The following LIX1 variants were observed in gnomAD, a reference collection of about 807,000 sequenced individuals.
The protein encoded by LIX1 is protein limb expression 1 homolog.
LIX1 carries 24 observed loss-of-function variants against 33.4 expected under a neutral mutation model. The observed-to-expected ratio is 0.72, with a 90% CI of 0.52 to 1.01. The LOEUF (loss-of-function observed/expected upper bound fraction) is 1.01. LIX1 is among the 50% of genes least tolerant of loss of function. LIX1 has a pLI of 0.00. For missense variants in LIX1, 311 were observed against 339.2 expected, an observed-to-expected ratio of 0.92 and a Z score of 0.65; for synonymous variants, 124 against 124.0, an observed-to-expected ratio of 1.00 and a Z score of 0.00.
At chr5:97,120,680 G>A (rs1341184921) in intron 2 of LIX1, among the ~76,000 whole-genome samples, 3 of 152,170 alleles carry the variant, frequency 2.0e-5, no homozygotes, top group African/African-American at 7.2e-5. Flanking sequence ...GAACAGTTAG[G>A]TAGAAGCATT....
At chr5:97,098,780 T>C (rs1181291047) in intron 4 of LIX1, among the ~76,000 whole-genome samples, 1 of 152,130 alleles carries the variant, frequency 6.6e-6, no homozygotes, top group Non-Finnish European at 1.5e-5. Flanking sequence ...TGGGAAGAGG[T>C]TCTCTTATGA....
At chr5:97,102,042 C>T (rs1397657734) in intron 4 of LIX1, 1 of 152,144 alleles carries the variant, frequency 6.6e-6, no homozygotes, top group Non-Finnish European at 1.5e-5. Context: ...ACTAGTGCTG[C>T]TCCGAACCTT....
chr5:97,137,102 AC>A (rs1276285366), intron 1 of LIX1: 54 of 446,174 alleles, frequency 1.2e-4, no homozygotes, highest in African/African-American at 1.1e-3. Context: ...TTAGAAACTC[AC>A]CCTTATGCAT....
chr5:97,141,650 A>G (rs1748291235), intron 1 of LIX1, among the ~76,000 whole-genome samples: 1 of 152,160 alleles, frequency 6.6e-6, no homozygotes, highest in South Asian at 2.1e-4. Flanking sequence ...GCTGCAACCT[A>G]TTGAAGTTAA....
rs374224823 is a variant in LIX1, at chr5:97,105,302, G to C, written c.388-17C>G. ...TAAGGTGCCCTTGGGAAAGAAAGCA[G>C]AAAAAGAAAAATTACTGATTTTTCC... On this transcript the variant is annotated splice_polypyrimidine_tract_variant and intron_variant, in intron 3 of 5. Coordinates refer to ENST00000274382, the MANE Select transcript of LIX1 (RefSeq NM_153234.5). 29 of 1,601,438 alleles carry C rather than the reference G, an allele frequency of 1.8e-5. No individual in the cohort carries two copies. The highest frequency in any genetic ancestry group is 2.2e-5 in the Non-Finnish European group (26 of 1,169,804).
intron 1 of LIX1, among the ~76,000 whole-genome samples, chr5:97,129,581 A>G (rs1249539357): frequency 6.6e-6 from 1 of 152,200 alleles, no homozygotes; most frequent in African/African-American, 2.4e-5. Flanking sequence ...TGAAGGTGTA[A>G]TCACACAGCT....
At chr5:97,100,446 T>A (rs1466815367) in intron 4 of LIX1, among the ~76,000 whole-genome samples, 1 of 152,218 alleles carries the variant, frequency 6.6e-6, no homozygotes, top group Admixed American at 6.5e-5. Context: ...TTACATTATA[T>A]CCCCATCTAG....
chr5:97,122,596 G>T (rs1747811936), intron 2 of LIX1, among the ~76,000 whole-genome samples: 1 of 152,142 alleles, frequency 6.6e-6, no homozygotes, highest in Admixed American at 6.6e-5. Context: ...TCATCTTGTT[G>T]ATTCTGGCCC....
chr5:97,124,351 G>T (rs1199233971), intron 2 of LIX1, 115 bp downstream of exon 2: 3 of 845,978 alleles, frequency 3.5e-6, no homozygotes, highest in African/African-American at 3.4e-5. Context: ...CATAGGATAT[G>T]GTACAACTTT....
chr5:97,138,248 T>G (rs1748211026), intron 1 of LIX1, among the ~76,000 whole-genome samples: 1 of 152,222 alleles, frequency 6.6e-6, no homozygotes, highest in Non-Finnish European at 1.5e-5. Context: ...AGAAACCAAC[T>G]CATTCTCATG....
chr5:97,117,885 G>GC (rs1174201963), intron 2 of LIX1, among the ~76,000 whole-genome samples: 1 of 150,700 alleles, frequency 6.6e-6, no homozygotes, highest in African/African-American at 2.5e-5. Flanking sequence ...CTACTCTGCA[G>GC]CCCTGTTTTG....
intron 2 of LIX1, among the ~76,000 whole-genome samples, chr5:97,121,418 T>C (rs1747783219): frequency 6.6e-6 from 1 of 152,168 alleles, no homozygotes. Context: ...AAATTGATGT[T>C]TACCTCCAAA....
intron 5 of LIX1, 144 bp from the exon 6 acceptor site, chr5:97,095,179 A>G (rs1005247487): frequency 2.5e-6 from 2 of 796,078 alleles, no homozygotes; most frequent in African/African-American, 3.5e-5. Context: ...ACCAAAACCC[A>G]CTGGTTTACT....
intron 1 of LIX1, 63 bp downstream of exon 1, chr5:97,142,432 G>A: frequency 9.1e-7 from 1 of 1,103,362 alleles, no homozygotes; most frequent in Non-Finnish European, 1.4e-6. Context: ...TAAATAGGAT[G>A]TGACTTGACG....
intron 2 of LIX1, among the ~76,000 whole-genome samples, chr5:97,124,038 T>C (rs1340816184): frequency 6.6e-6 from 1 of 152,226 alleles, no homozygotes; most frequent in Non-Finnish European, 1.5e-5. Context: ...AATGAGTGAC[T>C]TCATAAGTTC....
chr5:97,133,406 C>A (rs1394216103), intron 1 of LIX1, among the ~76,000 whole-genome samples: 1 of 152,182 alleles, frequency 6.6e-6, no homozygotes. Flanking sequence ...GAACTTCACA[C>A]ATTGTAAGTA....
intron 2 of LIX1, among the ~76,000 whole-genome samples, chr5:97,118,824 G>T (rs892065747): frequency 6.6e-6 from 1 of 152,138 alleles, no homozygotes; most frequent in Admixed American, 6.6e-5. Flanking sequence ...GGCTATGGCT[G>T]CTTTCTCTCT....
chr5:97,141,183 A>G (rs904887263), intron 1 of LIX1, among the ~76,000 whole-genome samples: 3 of 152,178 alleles, frequency 2.0e-5, no homozygotes, highest in East Asian at 1.9e-4. Context: ...CCCTGGTCCT[A>G]TACAATTTAT....
At chr5:97,121,948 A>G (rs1057430205) in intron 2 of LIX1, among the ~76,000 whole-genome samples, 3 of 152,090 alleles carry the variant, frequency 2.0e-5, no homozygotes, top group Non-Finnish European at 4.4e-5. Context: ...TCACCTTAGG[A>G]TGCTCAATAA....
Sources: allele counts gnomAD v4.1 joint callset (sites outside exome capture counted in the v4.1 genomes callset), GRCh38; gene constraint gnomAD v4.1.1; transcripts MANE v1.5; gene names NCBI Gene and HGNC (gene_info 2026-07-23, HGNC 2026-07-21).